Variants in ITGB7 observed in about 807,000 individuals in gnomAD.
ITGB7 encodes integrin subunit beta 7, also known as integrin beta-7.
ITGB7 carries 55 observed loss-of-function variants against 83.4 expected under a neutral mutation model. That is an observed-to-expected ratio of 0.66 (90% CI 0.53 to 0.83). The LOEUF (loss-of-function observed/expected upper bound fraction) is 0.83. ITGB7 is among the 40% of genes least tolerant of loss of function. The pLI, the probability that ITGB7 is intolerant of heterozygous loss-of-function variation, is 0.00. For synonymous variants in ITGB7, 454 were observed against 423.6 expected (o/e 1.07, Z -0.88); for missense variants, 921 against 1,046.7 (o/e 0.88, Z 1.66).
chr12:53,197,445 G>T, intron 5 of ITGB7, 48 bp downstream of exon 5: 2 of 1,607,300 alleles, frequency 1.2e-6, no homozygotes, highest in Non-Finnish European at 1.7e-6. Flanking sequence ...CTAGGGCAGT[G>T]GTTGAATAGG....
chr12:53,202,897 C>A (rs1259573551), intron 1 of ITGB7, among the ~76,000 whole-genome samples: 1 of 152,018 alleles, frequency 6.6e-6, no homozygotes, highest in Non-Finnish European at 1.5e-5. Flanking sequence ...AGTTGGACCC[C>A]CTCCCCACCT....
intron 1 of ITGB7, among the ~76,000 whole-genome samples, chr12:53,201,696 C>T (rs1316640473): frequency 2.6e-5 from 4 of 151,742 alleles, no homozygotes; most frequent in Non-Finnish European, 5.9e-5. Flanking sequence ...TGGAATTGCT[C>T]GGAACCCCAA....
chr12:53,194,167 C>T (rs756425113), intron 10 of ITGB7, 31 bp downstream of exon 10: 1 of 1,613,174 alleles, frequency 6.2e-7, no homozygotes, highest in East Asian at 2.2e-5. Context: ...CTCCCCCTGC[C>T]CGCCTTCTGC....
At chr12:53,195,331 C>T (rs1444504912) in intron 9 of ITGB7, 43 bp downstream of exon 9, 1 of 1,450,756 alleles carries the variant, frequency 6.9e-7, no homozygotes, top group Non-Finnish European at 9.7e-7. Context: ...CCACCTTTCC[C>T]TAGTGCCCAC....
chr12:53,192,011 C>T lies in ITGB7; in HGVS notation c.2164G>A (p.Asp722Asn). ...CCCAGCACAATGGCCTGCGTGTGGT[C>T]TGCTCCCTCTGTGAACAAGAAACCA... Reference protein sequence around the residue: ...LRVRPQEKGADHTQAIVLGCV... With the variant: ...LRVRPQEKGANHTQAIVLGCV... Residue 722 changes from aspartate (D) to asparagine (N), a missense_variant, in exon 15 of 16, where the codon GAC becomes AAC. Physicochemically the swap from Asp to Asn is conservative, Grantham distance 23 (BLOSUM62 1). Transcript: ENST00000267082. 1.9e-6 allele frequency: 3 copies of T among 1,611,446 alleles called. No individual in the cohort carries two copies. The highest frequency in any genetic ancestry group is 2.5e-6 in the Non-Finnish European group (3 of 1,178,744).
rs1291029147 is a variant in ITGB7, at chr12:53,193,743, A to G, written c.1467T>C (p.Ser489=). Residue 489 remains serine (S), a synonymous_variant, in exon 11 of 16, where the codon AGT becomes AGC. Transcript: ENST00000267082. ...SDTQPQAPHC[S]DGQGHLQCGV... is the part of the protein sequence containing the mutation. ...CACATTGTAGGTGTCCCTGGCCATC[A>G]CTGCAGTGGGGAGCCTGGGGCTGGG... The G allele has an allele frequency of 1.2e-6, 2 of 1,613,818 alleles. No individual in the cohort carries two copies. The highest frequency in any genetic ancestry group is 4.5e-5 in the East Asian group (2 of 44,862).
chr12:53,201,656 G>A (rs1401103625), intron 1 of ITGB7, among the ~76,000 whole-genome samples: 2 of 150,458 alleles, frequency 1.3e-5, no homozygotes, highest in African/African-American at 2.4e-5. Context: ...TTTTTTTGCA[G>A]AAATGGAAAA....
chr12:53,198,064 T>A (rs1458747922), intron 3 of ITGB7, 113 bp from the exon 4 acceptor site: 7 of 705,932 alleles, frequency 9.9e-6, no homozygotes, highest in Non-Finnish European at 1.6e-5. Context: ...TCCAGTCCAC[T>A]CCTTGAGTCC....
chr12:53,200,567 T>G, intron 2 of ITGB7, 121 bp from the exon 3 acceptor site: 3 of 753,078 alleles, frequency 4.0e-6, no homozygotes, highest in Non-Finnish European at 6.6e-6. Context: ...TTATCTCCCC[T>G]CATAGTTTCA....
At chr12:53,200,470 C>T (rs770096326) in intron 2 of ITGB7, 24 bp from the exon 3 acceptor site, 9 of 1,602,654 alleles carry the variant, frequency 5.6e-6, no homozygotes, top group Non-Finnish European at 7.7e-6. Flanking sequence ...TAAAGGGGGA[C>T]ATGTGGGTCC....
chr12:53,192,297 C>A (rs748787438), intron 14 of ITGB7, 33 bp downstream of exon 14: 6 of 1,606,290 alleles, frequency 3.7e-6, no homozygotes, highest in East Asian at 2.2e-5. Flanking sequence ...GCCCATCAAA[C>A]TTCCAGGGTT....
chr12:53,193,576 G>A (rs982228272), intron 11 of ITGB7, 132 bp downstream of exon 11: 2 of 864,750 alleles, frequency 2.3e-6, no homozygotes, highest in East Asian at 5.4e-5. Flanking sequence ...AAGCTTCAAG[G>A]GATGAAACTG....
Position 53,197,141 on chromosome 12 carries a change from G to A in ITGB7, c.575-321C>T, listed in dbSNP as rs532840881. ...GAATAGAGGAGAGTTGGCACAGAATGTGGAGCCAGGGACAGTGGCATCTAG... is the reference window on the plus strand; with the variant it reads ...GAATAGAGGAGAGTTGGCACAGAATATGGAGCCAGGGACAGTGGCATCTAG... On this transcript the variant is annotated intron_variant, in intron 5 of 15. Coordinates refer to ENST00000267082, the MANE Select transcript of ITGB7 (RefSeq NM_000889.3). 1.2e-4 allele frequency: 63 copies of A among 545,820 alleles called. No individual in the cohort carries two copies. The East Asian group carries it at 1.3e-3, about 11-fold the overall frequency. The allele number at this position is 545,820 out of a possible 1,614,324, so 33.8% of individuals were successfully genotyped here.
At chr12:53,201,541 C>G (rs1942321448) in intron 1 of ITGB7, among the ~76,000 whole-genome samples, 1 of 152,038 alleles carries the variant, frequency 6.6e-6, no homozygotes, top group African/African-American at 2.4e-5. Flanking sequence ...TCAGGAAAGC[C>G]AAGCAAATTC....
chr12:53,196,482 GA>G, intron 6 of ITGB7, 96 bp downstream of exon 6: 1 of 1,446,802 alleles, frequency 6.9e-7, no homozygotes, highest in Non-Finnish European at 9.3e-7. Flanking sequence ...ACTATGGTAT[GA>G]ATGGCACCCC....
chr12:53,199,513 A>ACCCCCCCCCCCCCCCCC (rs1474523760), intron 3 of ITGB7, among the ~76,000 whole-genome samples: 1 of 143,970 alleles, frequency 6.9e-6, no homozygotes, highest in Non-Finnish European at 1.5e-5. Context: ...CTGCACCCCT[A>ACCCCCCCCCCCCCCCCC]CCCCTCCCCA....
intron 5 of ITGB7, 134 bp downstream of exon 5, chr12:53,197,359 C>A: frequency 1.0e-6 from 1 of 966,354 alleles, no homozygotes; most frequent in South Asian, 1.3e-5. Flanking sequence ...CAGGAACGAA[C>A]CTGTGGCCTG....
rs751517079 is a variant in ITGB7, at chr12:53,192,746, A to G, written c.1891T>C (p.Tyr631His). 27 of 1,614,236 alleles carry G rather than the reference A, an allele frequency of 1.7e-5. No individual in the cohort carries two copies. In the South Asian group the frequency reaches 2.6e-4, roughly 16 times the overall value. The change falls in exon 13 of 16, where the codon TAT (tyrosine) becomes CAT (histidine). Residue 631 changes from tyrosine to histidine, a missense_variant. Physicochemically the swap from Tyr to His is moderately conservative, Grantham distance 83 (BLOSUM62 2). Coordinates refer to ENST00000267082, the MANE Select transcript of ITGB7 (RefSeq NM_000889.3). ...GGGCATTGGTCGCATAGAGCACCAT[A>G]GTAGCCGTCCAAGCACTGGCAGCGG... ...CNRCQCLDGYYGALCDQCPGC... is the reference protein window; with the variant it reads ...CNRCQCLDGYHGALCDQCPGC...
At position 53,196,576 on chromosome 12, in the gene ITGB7, C is replaced by T; in HGVS notation, c.816+3G>A. On this transcript the variant is annotated splice_donor_region_variant and intron_variant, in intron 6 of 15. Coordinates refer to ENST00000267082, the MANE Select transcript of ITGB7 (RefSeq NM_000889.3). Reference sequence around the variant, plus strand: ...GGCTCAGATCCCCGCCCCACCTCCTCACCTGGCAGAGTGCAGCCTGCAGAA... The same window carrying T: ...GGCTCAGATCCCCGCCCCACCTCCTTACCTGGCAGAGTGCAGCCTGCAGAA... The T allele has an allele frequency of 6.2e-7, 1 of 1,606,762 alleles. No individual in the cohort carries two copies. The highest frequency in any genetic ancestry group is 8.5e-7 in the Non-Finnish European group (1 of 1,174,212).
Sources: gnomAD v4.1 joint callset for allele counts (sites outside exome capture counted in the v4.1 genomes callset) on GRCh38, gnomAD v4.1.1 for gene constraint, MANE v1.5 for transcripts, NCBI Gene and HGNC (gene_info 2026-07-23, HGNC 2026-07-21) for gene names.